IMMP2L: variants seen among roughly 807,000 people sequenced by gnomAD.
IMMP2L encodes inner mitochondrial membrane peptidase subunit 2, also known as mitochondrial inner membrane protease subunit 2.
A neutral mutation model predicts 19.3 loss-of-function variants in IMMP2L; 18 were observed. The observed-to-expected ratio is 0.93, with a 90% CI of 0.64 to 1.38. The LOEUF is 1.38. Among genes scored for constraint, IMMP2L ranks in the 40% most tolerant of loss-of-function variants. The pLI is 0.00. For synonymous variants in IMMP2L, 76 were observed against 73.0 expected, an observed-to-expected ratio of 1.04 and a Z score of -0.21; for missense variants, 233 against 218.2, an observed-to-expected ratio of 1.07 and a Z score of -0.43.
intron 1 of IMMP2L, among the ~76,000 whole-genome samples, chr7:111,524,394 A>G (rs1416844885): frequency 1.3e-5 from 2 of 152,130 alleles, no homozygotes; most frequent in Admixed American, 1.3e-4. Flanking sequence ...AACAGTAAAT[A>G]ATCAATTCCT....
intron 5 of IMMP2L, among the ~76,000 whole-genome samples, chr7:110,765,013 A>C (rs953119799): frequency 5.3e-5 from 8 of 152,084 alleles, no homozygotes; most frequent in Admixed American, 3.3e-4. Context: ...CCCAAACCTC[A>C]ATTTTTACAT....
chr7:110,895,660 A>G (rs1811247263), intron 4 of IMMP2L, among the ~76,000 whole-genome samples: 1 of 152,230 alleles, frequency 6.6e-6, no homozygotes, highest in Non-Finnish European at 1.5e-5. Flanking sequence ...ATTAATGAAC[A>G]TAGCATATCT....
At chr7:110,816,443 T>A (rs1410248137) in intron 5 of IMMP2L, among the ~76,000 whole-genome samples, 8 of 147,888 alleles carry the variant, frequency 5.4e-5, no homozygotes, top group Non-Finnish European at 9.2e-5. Context: ...GTATATTCTG[T>A]TGATTTGGGG....
intron 5 of IMMP2L, among the ~76,000 whole-genome samples, chr7:110,860,325 T>C (rs1308524908): frequency 6.6e-6 from 1 of 152,134 alleles, no homozygotes; most frequent in African/African-American, 2.4e-5. Context: ...ATAAATTTCA[T>C]AGAAAATATT....
intron 3 of IMMP2L, among the ~76,000 whole-genome samples, chr7:111,382,801 A>T (rs1394035713): frequency 6.6e-6 from 1 of 152,134 alleles, no homozygotes; most frequent in Non-Finnish European, 1.5e-5. Context: ...CTCAAGAGGC[A>T]AAGATAAATT....
At chr7:111,009,489 G>A (rs1824690498) in intron 3 of IMMP2L, among the ~76,000 whole-genome samples, 1 of 151,676 alleles carries the variant, frequency 6.6e-6, no homozygotes, top group African/African-American at 2.4e-5. Context: ...ATACATAACA[G>A]GCACATAAAA....
At chr7:110,701,739 T>C (rs941153369) in intron 5 of IMMP2L, among the ~76,000 whole-genome samples, 1 of 152,108 alleles carries the variant, frequency 6.6e-6, no homozygotes, top group Non-Finnish European at 1.5e-5. Flanking sequence ...AAAGAATTAT[T>C]AATCCCATTT....
intron 5 of IMMP2L, among the ~76,000 whole-genome samples, chr7:110,804,714 G>C (rs769832830): frequency 6.6e-6 from 1 of 152,046 alleles, no homozygotes; most frequent in African/African-American, 2.4e-5. Flanking sequence ...AGCTTTCCCC[G>C]GACTTCCTCC....
intron 5 of IMMP2L, among the ~76,000 whole-genome samples, chr7:110,864,096 T>C (rs1023450197): frequency 2.0e-5 from 3 of 152,166 alleles, no homozygotes; most frequent in Non-Finnish European, 4.4e-5. Context: ...ATATAGCTAA[T>C]TGTATTAGTG....
chr7:110,665,978 T>C (rs894967719), intron 5 of IMMP2L, among the ~76,000 whole-genome samples: 1 of 152,174 alleles, frequency 6.6e-6, no homozygotes, highest in African/African-American at 2.4e-5. Context: ...TTAGTTGGCA[T>C]TGTTCTCTTA....
intron 1 of IMMP2L, among the ~76,000 whole-genome samples, chr7:111,557,232 C>T (rs930787528): frequency 7.9e-5 from 12 of 152,090 alleles, no homozygotes; most frequent in Admixed American, 7.2e-4. Flanking sequence ...CCCAACCCCA[C>T]TCTACCCTCA....
At chr7:110,668,033 G>A (rs1791582917) in intron 5 of IMMP2L, among the ~76,000 whole-genome samples, 1 of 151,798 alleles carries the variant, frequency 6.6e-6, no homozygotes, top group Non-Finnish European at 1.5e-5. Flanking sequence ...ATATTCTCTT[G>A]TGCACCTTGC....
chr7:111,328,727 A>G (rs1456307290), intron 3 of IMMP2L, among the ~76,000 whole-genome samples: 2 of 151,772 alleles, frequency 1.3e-5, no homozygotes, highest in Non-Finnish European at 2.9e-5. Context: ...AGTGATGTGG[A>G]TAATTGCTTG....
rs1309638171 is a variant in IMMP2L at position 110,965,665 on chromosome 7, C to T, written c.240-2100G>A. Reference sequence around the variant, plus strand: ...ACTTATAGACCTTTTAGAAAAGTGCCCCTCCCATGTCTCCTATTTTAAAAA... The same window carrying T: ...ACTTATAGACCTTTTAGAAAAGTGCTCCTCCCATGTCTCCTATTTTAAAAA... On this transcript the variant is annotated intron_variant, in intron 3 of 5. Coordinates refer to ENST00000405709, the MANE Select transcript of IMMP2L (RefSeq NM_032549.4). Among the ~76,000 whole-genome samples the T allele has an allele frequency of 4.0e-5, 6 of 151,738 alleles. No individual in the cohort carries two copies. In the South Asian group the frequency reaches 1.2e-3, roughly 32 times the overall value.
intron 5 of IMMP2L, among the ~76,000 whole-genome samples, chr7:110,731,970 A>C (rs768690380): frequency 6.6e-6 from 1 of 152,238 alleles, no homozygotes; most frequent in Non-Finnish European, 1.5e-5. Context: ...AGAAAACAGC[A>C]TGTCTGCTAC....
intron 3 of IMMP2L, among the ~76,000 whole-genome samples, chr7:111,107,710 A>G (rs1414326373): frequency 6.6e-6 from 1 of 152,124 alleles, no homozygotes; most frequent in African/African-American, 2.4e-5. Context: ...AAGGCCACAG[A>G]TTTGTTATTT....
At chr7:110,966,490 G>A (rs1000191906) in intron 3 of IMMP2L, among the ~76,000 whole-genome samples, 4 of 148,384 alleles carry the variant, frequency 2.7e-5, no homozygotes, top group African/African-American at 1.0e-4. Context: ...ACACCTATCA[G>A]TGTAAAAAAT....
At position 111,189,082 on chromosome 7, in the gene IMMP2L, G is replaced by T. The variant is rs116138316; in HGVS notation, c.240-225517C>A. Among the ~76,000 whole-genome samples the T allele has an allele frequency of 2.3e-3, 353 of 152,274 alleles. 1 individual carries two copies. Among genetic ancestry groups the T allele is most frequent in the African/African-American group, 8.3e-3 (346 of 41,532 alleles). ...AGTGCAAACTGGAGTAAGTGGTAGA[G>T]AATGGTCTAGAGGCACCACAGCCAA... On this transcript the variant is annotated intron_variant, in intron 3 of 5. Transcript: ENST00000405709.
chr7:111,035,726 A>G (rs1271778270), intron 3 of IMMP2L, among the ~76,000 whole-genome samples: 1 of 152,206 alleles, frequency 6.6e-6, no homozygotes, highest in Non-Finnish European at 1.5e-5. Flanking sequence ...TTAGATAACA[A>G]TAAGAAATTA....
Sources: allele counts gnomAD v4.1 joint callset (sites outside exome capture counted in the v4.1 genomes callset), GRCh38; gene constraint gnomAD v4.1.1; transcripts MANE v1.5; gene names NCBI Gene and HGNC (gene_info 2026-07-23, HGNC 2026-07-21).